Variants in DPYSL5 observed in about 807,000 individuals in gnomAD.
DPYSL5 encodes the protein dihydropyrimidinase-related protein 5.
DPYSL5 carries 9 observed loss-of-function variants against 58.4 expected under a neutral mutation model. That is an observed-to-expected ratio of 0.15 (90% CI 0.09 to 0.27). The LOEUF is 0.27. Ranked by LOEUF, DPYSL5 falls within the 10% of genes least tolerant of loss-of-function variation. The pLI is 1.00. For synonymous variants in DPYSL5, 293 were observed against 301.9 expected (o/e 0.97, Z 0.31); for missense variants, 499 against 770.6 (o/e 0.65, Z 4.17).
chr2:26,928,704 T>TATATATATAC, intron 5 of DPYSL5, among the ~76,000 whole-genome samples: 1 of 62,994 alleles, frequency 1.6e-5, no homozygotes, highest in African/African-American at 6.3e-5. Context: ...TATATATATA[T>TATATATATAC]ACACACACAC....
intron 8 of DPYSL5, chr2:26,938,397 T>C (rs1558354613): frequency 6.6e-6 from 1 of 152,268 alleles, no homozygotes; most frequent in Non-Finnish European, 1.5e-5. Context: ...AAAGATTCCA[T>C]TCATCTATCA....
chr2:26,939,767 A>G (rs1398073292), intron 8 of DPYSL5: 1 of 395,904 alleles, frequency 2.5e-6, no homozygotes, highest in Non-Finnish European at 4.6e-6. Flanking sequence ...TGCTATCTTC[A>G]CTCTTAAACA....
In DPYSL5 at chr2:26,927,879, G is replaced by T. The variant is rs1434762067; in HGVS notation, c.601-376G>T. Among the ~76,000 whole-genome samples, 1 of 152,222 alleles carries T rather than the reference G, an allele frequency of 6.6e-6. No homozygotes were observed. Among genetic ancestry groups the T allele is most frequent in the Non-Finnish European group, 1.5e-5 (1 of 68,042 alleles). On this transcript the variant is annotated intron_variant, in intron 4 of 12. Transcript: ENST00000288699. This position sits in a 1 kb window ranked among gnomAD's most constrained non-coding sequence, Gnocchi z 4.3. ...CTGGTGCATTCTCCTAGGTCTTGGG[G>T]TAAGGGCTAGCCTAGCAGTTGCTGG...
At chr2:26,848,926 A>T (rs893950389) in intron 1 of DPYSL5, among the ~76,000 whole-genome samples, 5 of 152,200 alleles carry the variant, frequency 3.3e-5, no homozygotes, top group African/African-American at 1.2e-4. Context: ...CCAGCGCGGG[A>T]GCCCGCCTTG....
chr2:26,866,156 CTAA>C (rs1226267094), intron 1 of DPYSL5, among the ~76,000 whole-genome samples: 1 of 152,196 alleles, frequency 6.6e-6, no homozygotes, highest in African/African-American at 2.4e-5. Flanking sequence ...TCCACACTTA[CTAA>C]TAATCTGTGT....
At chr2:26,897,988 G>A (rs1664059464) in intron 1 of DPYSL5, among the ~76,000 whole-genome samples, 2 of 152,126 alleles carry the variant, frequency 1.3e-5, no homozygotes, top group Non-Finnish European at 2.9e-5. Context: ...TGTGAGATTT[G>A]GAGAGTTCAG....
chr2:26,904,375 T>C (rs1290669263), intron 2 of DPYSL5, among the ~76,000 whole-genome samples: 4 of 152,244 alleles, frequency 2.6e-5, no homozygotes, highest in African/African-American at 7.2e-5. Context: ...GCTCACTTCC[T>C]TTCTTCTTTT....
At chr2:26,908,660 T>C (rs1452233204) in intron 2 of DPYSL5, among the ~76,000 whole-genome samples, 2 of 152,240 alleles carry the variant, frequency 1.3e-5, no homozygotes, top group South Asian at 2.1e-4. Flanking sequence ...ATGCAGATTA[T>C]TGCATTTTTA....
chr2:26,896,591 T>C (rs1486426933), intron 1 of DPYSL5, among the ~76,000 whole-genome samples: 3 of 152,232 alleles, frequency 2.0e-5, no homozygotes, highest in African/African-American at 7.2e-5. Context: ...AGGTGTGTGG[T>C]GATAATCTCA....
chr2:26,865,496 G>A (rs1211929506), intron 1 of DPYSL5, among the ~76,000 whole-genome samples: 2 of 151,610 alleles, frequency 1.3e-5, no homozygotes, highest in African/African-American at 2.4e-5. Flanking sequence ...AATTTTTTGT[G>A]TAGAGACAGG....
intron 2 of DPYSL5, among the ~76,000 whole-genome samples, chr2:26,910,807 G>A (rs535606127): frequency 5.1e-4 from 77 of 151,544 alleles, no homozygotes; most frequent in Non-Finnish European, 8.7e-4. Flanking sequence ...TATATGTTTT[G>A]CAAATTTTTC....
chr2:26,885,014 A>T (rs1248575351), intron 1 of DPYSL5, among the ~76,000 whole-genome samples: 1 of 152,232 alleles, frequency 6.6e-6, no homozygotes, highest in Non-Finnish European at 1.5e-5. Flanking sequence ...AGCCTGACCC[A>T]CATGGTGAAA....
chr2:26,931,195 G>GTATA (rs1664972548), intron 5 of DPYSL5, among the ~76,000 whole-genome samples: 1 of 53,974 alleles, frequency 1.9e-5, no homozygotes, highest in Non-Finnish European at 4.2e-5. Context: ...GTGTGTGTGT[G>GTATA]TGTGTGTGTA....
chr2:26,902,661 G>C (rs996160755), intron 2 of DPYSL5, among the ~76,000 whole-genome samples: 2 of 152,166 alleles, frequency 1.3e-5, no homozygotes, highest in Non-Finnish European at 2.9e-5. Context: ...ATCTTAAATA[G>C]GGGCTGGGTA....
intron 1 of DPYSL5, among the ~76,000 whole-genome samples, chr2:26,880,356 T>G (rs1226636157): frequency 6.6e-6 from 1 of 152,160 alleles, no homozygotes; most frequent in African/African-American, 2.4e-5. Context: ...ATCACTGCCC[T>G]CCCTGTCTCC....
chr2:26,945,897 T>G (rs1356829503), intron 12 of DPYSL5, among the ~76,000 whole-genome samples: 3 of 152,204 alleles, frequency 2.0e-5, no homozygotes, highest in Non-Finnish European at 4.4e-5. Flanking sequence ...CAGGCTCCTG[T>G]GTGCCCTGCT....
intron 1 of DPYSL5, among the ~76,000 whole-genome samples, chr2:26,865,312 C>CTTT (rs1192892146): frequency 5.6e-5 from 5 of 89,588 alleles, no homozygotes; most frequent in Non-Finnish European, 1.1e-4. Context: ...GTTTTGTGTT[C>CTTT]TTTTTTTTTT....
chr2:26,944,522 CA>C lies in DPYSL5; in HGVS notation c.1441-133del. The C allele has an allele frequency of 1.0e-6, 1 of 975,490 alleles. No homozygotes were observed. Among genetic ancestry groups the C allele is most frequent in the Admixed American group, 2.7e-5 (1 of 37,120 alleles). The allele number at this position is 975,490 out of a possible 1,614,324, so 60.4% of individuals were successfully genotyped here. On this transcript the variant is annotated intron_variant, in intron 11 of 12. Transcript: ENST00000288699. This position sits in a 1 kb window ranked among gnomAD's most constrained non-coding sequence, Gnocchi z 4.4. The stretch of plus-strand genomic sequence containing the variant: ...GACTCAATGTTTAAGAAGCCTTGGT[CA>C]CTTGCAGTGATTTGGGTCTTGGGCA...
chr2:26,894,842 ATCT>A (rs1663973128), intron 1 of DPYSL5, among the ~76,000 whole-genome samples: 1 of 152,182 alleles, frequency 6.6e-6, no homozygotes, highest in Admixed American at 6.5e-5. Flanking sequence ...AGAGGTCAAG[ATCT>A]TCTGTGGTCC....
Sources: gnomAD v4.1 joint callset for allele counts (sites outside exome capture counted in the v4.1 genomes callset) on GRCh38, gnomAD v4.1.1 for gene constraint, Gnocchi (gnomAD v3.1) non-coding constraint, MANE v1.5 for transcripts, NCBI Gene and HGNC (gene_info 2026-07-23, HGNC 2026-07-21) for gene names.